The following RUFY3 variants were observed in gnomAD, a reference collection of about 807,000 sequenced individuals.
RUFY3 encodes the protein protein RUFY3.
Under a neutral mutation model 84.0 loss-of-function variants are expected in RUFY3, and 34 were observed. The observed-to-expected ratio is 0.40, with a 90% CI of 0.31 to 0.54. The LOEUF is 0.54. RUFY3 is among the 20% of genes least tolerant of loss of function. The probability of loss-of-function intolerance (pLI) is 0.39; values close to 1 mark genes in which losing one functional copy is unlikely to be tolerated. For missense variants in RUFY3, 507 were observed against 736.8 expected (o/e 0.69, Z 3.61); for synonymous variants, 242 against 252.9 (o/e 0.96, Z 0.41).
intron 1 of RUFY3, among the ~76,000 whole-genome samples, chr4:70,715,588 CAAAAAAAAAAA>C (rs886636641): frequency 6.4e-5 from 3 of 46,668 alleles, no homozygotes; most frequent in Admixed American, 5.5e-4. Context: ...ACACTATCTC[CAAAAAAAAAAA>C]AAAAAAAAAA....
intron 14 of RUFY3, among the ~76,000 whole-genome samples, chr4:70,797,559 T>G (rs1376233526): frequency 6.6e-6 from 1 of 152,066 alleles, no homozygotes; most frequent in Non-Finnish European, 1.5e-5. Context: ...AAAGAACCAC[T>G]CTAGGCCAGG....
At chr4:70,704,825 G>T (rs1740066459) in exon 1 of RUFY3, 2 of 669,012 alleles carry the variant, frequency 3.0e-6, no homozygotes, top group Non-Finnish European at 4.1e-6. Context: ...AGGTGGCGGT[G>T]GCGGCGGCGG....
chr4:70,783,320 G>T, intron 9 of RUFY3, 137 bp downstream of exon 9: 1 of 647,242 alleles, frequency 1.5e-6, no homozygotes, highest in Non-Finnish European at 2.7e-6. Context: ...ATGCATAATT[G>T]TGTGATGAAG....
At chr4:70,772,473 A>G (rs1727129478) in intron 5 of RUFY3, among the ~76,000 whole-genome samples, 1 of 152,190 alleles carries the variant, frequency 6.6e-6, no homozygotes, top group South Asian at 2.1e-4. Flanking sequence ...TTGTTGTTTC[A>G]GATTTCTTGA....
chr4:70,800,387 C>G (rs1732069887), intron 15 of RUFY3, among the ~76,000 whole-genome samples, 182 bp downstream of exon 15: 1 of 152,092 alleles, frequency 6.6e-6, no homozygotes, highest in Non-Finnish European at 1.5e-5. Flanking sequence ...AAACCAAACC[C>G]ATTAGGCCAT....
intron 12 of RUFY3, chr4:70,792,006 T>C: frequency 1.0e-6 from 1 of 985,034 alleles, no homozygotes. Context: ...CATAATAATG[T>C]GGACGCCTGG....
intron 1 of RUFY3, among the ~76,000 whole-genome samples, chr4:70,755,811 C>T (rs1177059871): frequency 2.0e-5 from 3 of 151,916 alleles, no homozygotes; most frequent in Admixed American, 6.6e-5. Flanking sequence ...GTTAGCCGGG[C>T]GTGGCAGCAG....
chr4:70,722,959 C>T (rs936366736), intron 1 of RUFY3, among the ~76,000 whole-genome samples: 1 of 152,152 alleles, frequency 6.6e-6, no homozygotes. Flanking sequence ...GGTATCCTTT[C>T]AAAAGATGCT....
rs1731312022 is a variant in RUFY3, at chr4:70,794,854, G to A, written c.1517G>A (p.Ser506Asn). Residue 506 changes from serine to asparagine, a missense_variant, in exon 14 of 18, where the codon AGC (serine) becomes AAC (asparagine). By Grantham distance (46) the Ser-to-Asn change is conservative. Coordinates refer to ENST00000381006, the MANE Select transcript of RUFY3 (RefSeq NM_001037442.4). ...EKERRLQNDR[S>N]IPGRGSQKSE... Reference sequence around the variant, plus strand: ...GAAAGAAGATTACAAAACGACAGGAGCATCCCAGGAAGGGGTTCCCAGAAG... The same window carrying A: ...GAAAGAAGATTACAAAACGACAGGAACATCCCAGGAAGGGGTTCCCAGAAG... The A allele has an allele frequency of 5.6e-6, 9 of 1,612,948 alleles. No individual in the cohort carries two copies. Among genetic ancestry groups the A allele is most frequent in the Admixed American group, 5.0e-5 (3 of 59,868 alleles).
chr4:70,765,105 T>A (rs1725632466), intron 4 of RUFY3, among the ~76,000 whole-genome samples: 1 of 150,790 alleles, frequency 6.6e-6, no homozygotes, highest in South Asian at 2.1e-4. Flanking sequence ...CGAGAATCGC[T>A]TGGACCTGGG....
Position 70,727,441 on chromosome 4 carries a change from T to C in RUFY3, c.178+4690T>C, listed in dbSNP as rs150840303. On this transcript the variant is annotated intron_variant, in intron 1 of 17. Transcript: ENST00000381006. Reference sequence around the variant, plus strand: ...CGAGTTCCCAGCTCGCTGAAACCTCTGCCTCCCAGGTTCAAGCGACTCTCC... The same window carrying C: ...CGAGTTCCCAGCTCGCTGAAACCTCCGCCTCCCAGGTTCAAGCGACTCTCC... Among the ~76,000 whole-genome samples, 1,155 of 146,974 alleles carry C rather than the reference T, an allele frequency of 7.9e-3. 17 individuals carry two copies. The highest frequency in any genetic ancestry group is 0.027 in the African/African-American group (1,060 of 39,610).
At chr4:70,728,771 A>T (rs1271426007) in intron 1 of RUFY3, among the ~76,000 whole-genome samples, 1 of 152,162 alleles carries the variant, frequency 6.6e-6, no homozygotes, top group Non-Finnish European at 1.5e-5. Context: ...TAAAAATCGC[A>T]ATTTAAAATA....
chr4:70,802,699 A>G (rs887572226), intron 15 of RUFY3, among the ~76,000 whole-genome samples: 2 of 152,256 alleles, frequency 1.3e-5, no homozygotes, highest in African/African-American at 2.4e-5. Context: ...AATGTAAAAT[A>G]TAACTTCAAA....
intron 16 of RUFY3, among the ~76,000 whole-genome samples, chr4:70,803,817 G>T (rs935225055): frequency 1.3e-5 from 2 of 151,640 alleles, no homozygotes; most frequent in Non-Finnish European, 2.9e-5. Flanking sequence ...CCGCCTCCCA[G>T]GTTCAAGTGA....
intron 11 of RUFY3, among the ~76,000 whole-genome samples, chr4:70,789,265 A>G (rs966562185): frequency 5.9e-5 from 9 of 152,176 alleles, no homozygotes; most frequent in African/African-American, 1.9e-4. Context: ...TATATATTCT[A>G]TTAGCTTTTA....
chr4:70,713,375 T>C (rs1401249135), intron 1 of RUFY3, among the ~76,000 whole-genome samples: 1 of 152,192 alleles, frequency 6.6e-6, no homozygotes, highest in Non-Finnish European at 1.5e-5. Flanking sequence ...AGAAGGTAAG[T>C]AGCAATATGG....
At chr4:70,803,598 G>C (rs1326143965) in intron 16 of RUFY3, among the ~76,000 whole-genome samples, 1 of 151,918 alleles carries the variant, frequency 6.6e-6, no homozygotes, top group Non-Finnish European at 1.5e-5. Flanking sequence ...GGGCTGCAGA[G>C]ATTAGGTTTC....
At chr4:70,704,559 G>A (rs966684546), upstream of RUFY3, 10 of 169,478 alleles carry the variant, frequency 5.9e-5, no homozygotes, top group East Asian at 1.6e-4. Flanking sequence ...TAAGGAAGAG[G>A]CCCAGGGCCC....
intron 15 of RUFY3, among the ~76,000 whole-genome samples, chr4:70,800,621 C>T (rs1484290410): frequency 1.3e-5 from 2 of 152,226 alleles, no homozygotes; most frequent in Non-Finnish European, 2.9e-5. Flanking sequence ...CAGTGGCTCA[C>T]GCCTGTAATC....
Sources: gnomAD v4.1 joint callset for allele counts (sites outside exome capture counted in the v4.1 genomes callset) on GRCh38, gnomAD v4.1.1 for gene constraint, MANE v1.5 for transcripts, NCBI Gene and HGNC (gene_info 2026-07-23, HGNC 2026-07-21) for gene names.